The following TET1 variants were observed in gnomAD, a reference collection of about 807,000 sequenced individuals.
The protein encoded by TET1 is tet methylcytosine dioxygenase 1, also known as methylcytosine dioxygenase TET1.
Under a neutral mutation model 148.7 loss-of-function variants are expected in TET1, and 13 were observed. The ratio of observed to expected loss-of-function variants is 0.09; its 90% CI spans 0.06 to 0.14. TET1 has a LOEUF of 0.14. Among genes scored for constraint, TET1 ranks in the 10% least tolerant of loss-of-function variants. The probability of loss-of-function intolerance (pLI) is 1.00; values close to 1 mark genes in which losing one functional copy is unlikely to be tolerated. For missense variants in TET1, 2,182 were observed against 2,553.8 expected (o/e 0.85, Z 3.14); for synonymous variants, 907 against 937.2 (o/e 0.97, Z 0.59).
intron 2 of TET1, among the ~76,000 whole-genome samples, chr10:68,596,023 C>CATATATATATAT (rs1273677017): frequency 1.2e-4 from 11 of 95,432 alleles, no homozygotes; most frequent in African/African-American, 5.6e-4. Context: ...CACACACACA[C>CATATATATATAT]ACACATATAT....
chr10:68,622,965 G>C (rs2054398647), intron 3 of TET1, among the ~76,000 whole-genome samples: 1 of 152,096 alleles, frequency 6.6e-6, no homozygotes, highest in African/African-American at 2.4e-5. Context: ...CAGGTGCCCT[G>C]CTGTGTATCA....
chr10:68,622,385 C>G (rs2132976865), intron 3 of TET1, among the ~76,000 whole-genome samples: 1 of 152,186 alleles, frequency 6.6e-6, no homozygotes, highest in Middle Eastern at 3.4e-3. Context: ...CTGCCTCAGC[C>G]TCCAGAGTAG....
At chr10:68,594,021 G>T (rs1017644970) in intron 2 of TET1, among the ~76,000 whole-genome samples, 1 of 140,878 alleles carries the variant, frequency 7.1e-6, no homozygotes, top group Admixed American at 8.0e-5. Context: ...TGCCTACTGG[G>T]TTCAAGCGAT....
intron 3 of TET1, among the ~76,000 whole-genome samples, chr10:68,625,748 A>G (rs1410259965): frequency 6.6e-6 from 1 of 152,178 alleles, no homozygotes; most frequent in East Asian, 1.9e-4. Flanking sequence ...CTATTGAAGT[A>G]ATGCAGTCCC....
At chr10:68,610,900 A>C (rs1292933960) in intron 3 of TET1, among the ~76,000 whole-genome samples, 1 of 152,274 alleles carries the variant, frequency 6.6e-6, no homozygotes, top group East Asian at 1.9e-4. Flanking sequence ...AAGCAAACCC[A>C]AAGTACTAGC....
intron 6 of TET1, among the ~76,000 whole-genome samples, chr10:68,663,246 A>G (rs1043379381): frequency 1.3e-5 from 2 of 152,202 alleles, no homozygotes; most frequent in African/African-American, 4.8e-5. Context: ...ATTTGTGGCT[A>G]GACATTTAGG....
chr10:68,584,231 G>A (rs540570636), intron 2 of TET1, among the ~76,000 whole-genome samples: 10 of 150,838 alleles, frequency 6.6e-5, no homozygotes, highest in South Asian at 2.1e-4. Context: ...TATTAGAGAT[G>A]GGGTTTCACC....
chr10:68,672,929 A>G lies in TET1; in HGVS notation c.4708A>G (p.Thr1570Ala), dbSNP rs1426282789. Residue 1570 changes from threonine to alanine, a missense_variant, in exon 8 of 12, where the codon ACT becomes GCT. Transcript: ENST00000373644. ...TCTCQGIDPE[T>A]CGASFSFGCS... is the part of the protein sequence containing the mutation. ...TACATGTCAAGGAATTGATCCAGAG[A>G]CTTGTGGAGCTTCATTCTCTTTTGG... The G allele has an allele frequency of 6.2e-7, 1 of 1,610,650 alleles. No individual in the cohort carries two copies. The highest frequency in any genetic ancestry group is 8.5e-7 in the Non-Finnish European group (1 of 1,177,550).
chr10:68,611,143 T>C (rs1334413332), intron 3 of TET1, among the ~76,000 whole-genome samples: 1 of 151,964 alleles, frequency 6.6e-6, no homozygotes, highest in African/African-American at 2.4e-5. Context: ...ACACAAAAAT[T>C]AGCCAGACAT....
chr10:68,672,499 A>AAC (rs1453025741), intron 7 of TET1, among the ~76,000 whole-genome samples: 7 of 148,514 alleles, frequency 4.7e-5, no homozygotes, highest in African/African-American at 1.2e-4. Flanking sequence ...AAAAAAAAAA[A>AAC]AAAAAAAAAA....
intron 2 of TET1, among the ~76,000 whole-genome samples, chr10:68,592,188 C>T (rs569226884): frequency 7.2e-5 from 11 of 151,856 alleles, no homozygotes; most frequent in African/African-American, 2.7e-4. Flanking sequence ...TGGTGGCGGG[C>T]GCCTGTAATC....
At chr10:68,605,376 G>A (rs374783490) in intron 3 of TET1, among the ~76,000 whole-genome samples, 1 of 152,092 alleles carries the variant, frequency 6.6e-6, no homozygotes, top group Non-Finnish European at 1.5e-5. Flanking sequence ...GGGAGGCTGC[G>A]GTAGGAGAAT....
chr10:68,601,737 G>C (rs747799910), intron 3 of TET1, among the ~76,000 whole-genome samples: 2 of 152,172 alleles, frequency 1.3e-5, no homozygotes, highest in Non-Finnish European at 2.9e-5. Context: ...GCTAGCTTTA[G>C]TCTAACGAAT....
intron 2 of TET1, among the ~76,000 whole-genome samples, chr10:68,600,080 A>T (rs1438097848): frequency 6.6e-6 from 1 of 152,160 alleles, no homozygotes; most frequent in African/African-American, 2.4e-5. Flanking sequence ...GGAATGAGAC[A>T]CGCAGCCCAA....
At chr10:68,584,652 A>G (rs12264742) in intron 2 of TET1, among the ~76,000 whole-genome samples, 5 of 151,302 alleles carry the variant, frequency 3.3e-5, no homozygotes, top group Non-Finnish European at 7.4e-5. Flanking sequence ...AAGGTTGCAG[A>G]GAGCTGAGAT....
intron 6 of TET1, among the ~76,000 whole-genome samples, chr10:68,659,374 G>A (rs909112002): frequency 1.3e-5 from 2 of 152,098 alleles, no homozygotes; most frequent in Admixed American, 1.3e-4. Context: ...GTTGCCCAGG[G>A]TGGAGTACAG....
chr10:68,663,163 C>T (rs2055146645), intron 6 of TET1, among the ~76,000 whole-genome samples: 1 of 152,130 alleles, frequency 6.6e-6, no homozygotes, highest in Non-Finnish European at 1.5e-5. Context: ...AACAAATTTT[C>T]CTGACATGAT....
chr10:68,694,360 T>C lies in TET1; in HGVS notation c.*2546T>C, dbSNP rs2055629597. On this transcript the variant is annotated 3_prime_UTR_variant, in exon 12 of 12. Coordinates refer to ENST00000373644, the MANE Select transcript of TET1 (RefSeq NM_030625.3). Reference sequence around the variant, plus strand: ...TACCATCCCATTCTCTGCCCTGTGATTTTTTTTAAAAGCTTATTCAATGTT... The same window carrying C: ...TACCATCCCATTCTCTGCCCTGTGACTTTTTTTAAAAGCTTATTCAATGTT... 1 of 232,014 alleles carries C rather than the reference T, an allele frequency of 4.3e-6. No homozygotes were observed. The highest frequency in any genetic ancestry group is 8.5e-6 in the Non-Finnish European group (1 of 117,464). 14.4% of individuals were successfully genotyped at this position (232,014 alleles called of 1,614,324 possible). A position where few individuals can be genotyped will look rare whatever the true frequency, so the allele number is the denominator to read the frequency against.
At chr10:68,687,560 TG>T (rs1277998369) in intron 11 of TET1, among the ~76,000 whole-genome samples, 1 of 152,102 alleles carries the variant, frequency 6.6e-6, no homozygotes, top group African/African-American at 2.4e-5. Flanking sequence ...TTGTCGTTGT[TG>T]TTTTTGTTTT....
Sources: gnomAD v4.1 joint callset for allele counts (sites outside exome capture counted in the v4.1 genomes callset) on GRCh38, gnomAD v4.1.1 for gene constraint, MANE v1.5 for transcripts, NCBI Gene and HGNC (gene_info 2026-07-23, HGNC 2026-07-21) for gene names.